ARHGEF3: variants seen among roughly 807,000 people sequenced by gnomAD.
ARHGEF3 encodes Rho guanine nucleotide exchange factor 3, also known as 59.8 kDA protein.
A neutral mutation model predicts 63.2 loss-of-function variants in ARHGEF3; 28 were observed. The observed-to-expected ratio is 0.44, with a 90% confidence interval of 0.33 to 0.61. ARHGEF3 has a LOEUF of 0.61. Among genes scored for constraint, ARHGEF3 ranks in the 20% least tolerant of loss-of-function variants. ARHGEF3 has a pLI of 0.03. For missense variants in ARHGEF3, 533 were observed against 659.3 expected (o/e 0.81, Z 2.10); for synonymous variants, 266 against 254.2 (o/e 1.05, Z -0.44).
chr3:56,763,320 G>GT (rs1241119793), intron 2 of ARHGEF3, among the ~76,000 whole-genome samples: 1 of 152,162 alleles, frequency 6.6e-6, no homozygotes, highest in East Asian at 1.9e-4. Context: ...GCCACTATTA[G>GT]TGCTTGTTTA....
intron 1 of ARHGEF3, among the ~76,000 whole-genome samples, chr3:57,063,653 G>A (rs888060299): frequency 2.6e-5 from 4 of 152,166 alleles, no homozygotes; most frequent in Non-Finnish European, 4.4e-5. Flanking sequence ...GGGCATCCTA[G>A]AAGCCAGGTG....
chr3:57,037,894 A>T (rs1007732030), intron 1 of ARHGEF3, among the ~76,000 whole-genome samples: 1 of 150,860 alleles, frequency 6.6e-6, no homozygotes, highest in African/African-American at 2.4e-5. Flanking sequence ...AACAAAACAA[A>T]ACAAAACAAA....
At chr3:56,776,124 G>A (rs577927195) in intron 1 of ARHGEF3, among the ~76,000 whole-genome samples, 51 of 152,294 alleles carry the variant, frequency 3.3e-4, no homozygotes, top group African/African-American at 1.2e-3. Flanking sequence ...TTGACAGGAC[G>A]GGGGATGATC....
At chr3:56,967,593 AT>A (rs1560092331) in intron 2 of ARHGEF3, among the ~76,000 whole-genome samples, 1 of 88,600 alleles carries the variant, frequency 1.1e-5, no homozygotes, top group Non-Finnish European at 1.9e-5. Flanking sequence ...AATATATTTA[AT>A]TATATATTAT....
intron 1 of ARHGEF3, among the ~76,000 whole-genome samples, chr3:57,053,418 T>C (rs1327457741): frequency 6.6e-6 from 1 of 152,140 alleles, no homozygotes; most frequent in Non-Finnish European, 1.5e-5. Flanking sequence ...CTGCCCTGCC[T>C]CTGGCTTTGT....
chr3:56,762,407 G>A lies in ARHGEF3; in HGVS notation c.205-7256C>T, dbSNP rs1234185233. The stretch of plus-strand genomic sequence containing the variant: ...ATAAAACAGAGATAATGCAGATTGA[G>A]GAAATGGTGCTCAAGTTTATGCCCA... On this transcript the variant is annotated intron_variant, in intron 2 of 9. Coordinates refer to ENST00000296315, the MANE Select transcript of ARHGEF3 (RefSeq NM_019555.3). Among the ~76,000 whole-genome samples the A allele has an allele frequency of 1.3e-5, 2 of 152,134 alleles. 1 individual carries two copies.
intron 4 of ARHGEF3, among the ~76,000 whole-genome samples, chr3:56,833,239 C>T (rs2038990217): frequency 6.6e-6 from 1 of 152,170 alleles, no homozygotes; most frequent in Non-Finnish European, 1.5e-5. Flanking sequence ...TTCTCCACAT[C>T]CTCACCAACA....
chr3:56,887,167 C>T (rs57608064), intron 3 of ARHGEF3, among the ~76,000 whole-genome samples: 3,508 of 152,264 alleles, frequency 0.023, 138 homozygotes, highest in African/African-American at 0.079. Context: ...TTACGTCTCA[C>T]TTGCCATCCA....
rs2108363880 is a variant in ARHGEF3, at chr3:56,920,888, T to G, written c.129+37935A>C. On this transcript the variant is annotated intron_variant, in intron 3 of 12. Coordinates refer to the ARHGEF3 transcript ENST00000338458. ...TAACGTGGTGAAACCCTGTCTCTAC[T>G]AAAAATACAAAAAAAAATTAGCCAG... Among the ~76,000 whole-genome samples the G allele has an allele frequency of 1.3e-5, 2 of 151,690 alleles. 1 individual carries two copies. Among genetic ancestry groups the G allele is most frequent in the South Asian group, 4.2e-4 (2 of 4,788 alleles).
chr3:57,011,362 G>A (rs1287664686), intron 2 of ARHGEF3, among the ~76,000 whole-genome samples: 5 of 152,158 alleles, frequency 3.3e-5, no homozygotes, highest in African/African-American at 1.2e-4. Flanking sequence ...AATCCAAGTT[G>A]GATAGAGTTG....
intron 7 of ARHGEF3, among the ~76,000 whole-genome samples, chr3:56,743,079 A>G (rs530364981): frequency 1.3e-5 from 2 of 152,324 alleles, no homozygotes; most frequent in South Asian, 2.1e-4. Flanking sequence ...CTGGGATGAA[A>G]TATGGAAAGG....
intron 3 of ARHGEF3, among the ~76,000 whole-genome samples, chr3:56,934,445 A>G (rs1380563863): frequency 6.6e-6 from 1 of 152,140 alleles, no homozygotes; most frequent in East Asian, 1.9e-4. Flanking sequence ...CCATTCCCTC[A>G]GCTTGCAGGG....
At chr3:56,993,557 T>G (rs1701846960) in intron 2 of ARHGEF3, among the ~76,000 whole-genome samples, 2 of 151,660 alleles carry the variant, frequency 1.3e-5, no homozygotes, top group African/African-American at 2.4e-5. Flanking sequence ...AAATTTTTTG[T>G]AGAGACGGTG....
intron 2 of ARHGEF3, among the ~76,000 whole-genome samples, chr3:56,992,813 T>C (rs1387764247): frequency 6.6e-6 from 1 of 152,300 alleles, no homozygotes; most frequent in East Asian, 1.9e-4. Flanking sequence ...AGTCAATACC[T>C]GCTCAAGGAA....
chr3:57,012,102 G>A (rs953485342), intron 2 of ARHGEF3, among the ~76,000 whole-genome samples: 1 of 152,100 alleles, frequency 6.6e-6, no homozygotes, highest in African/African-American at 2.4e-5. Flanking sequence ...TATGAAATGG[G>A]GTCTACAGGA....
At chr3:56,834,652 C>G (rs1009906274) in intron 4 of ARHGEF3, among the ~76,000 whole-genome samples, 6 of 151,310 alleles carry the variant, frequency 4.0e-5, no homozygotes, top group Non-Finnish European at 7.4e-5. Context: ...CCCAGCTTCT[C>G]CTGAGGCAGG....
intron 3 of ARHGEF3, among the ~76,000 whole-genome samples, chr3:56,909,214 T>C (rs1351521261): frequency 6.6e-6 from 1 of 152,218 alleles, no homozygotes; most frequent in African/African-American, 2.4e-5. Context: ...TGTGCAGTTT[T>C]CTAAAGAGAA....
intron 2 of ARHGEF3, among the ~76,000 whole-genome samples, chr3:56,972,718 G>T (rs1405716219): frequency 6.6e-6 from 1 of 152,048 alleles, no homozygotes; most frequent in Non-Finnish European, 1.5e-5. Context: ...CAAGAGCGGA[G>T]AGTCACAGAA....
intron 1 of ARHGEF3, among the ~76,000 whole-genome samples, chr3:56,800,505 A>G (rs2037586369): frequency 6.6e-6 from 1 of 152,204 alleles, no homozygotes; most frequent in East Asian, 1.9e-4. Flanking sequence ...GCGTATAGAA[A>G]GCTGAATACA....
Sources: gnomAD v4.1 joint callset for allele counts (sites outside exome capture counted in the v4.1 genomes callset) on GRCh38, gnomAD v4.1.1 for gene constraint, MANE v1.5 for transcripts, NCBI Gene and HGNC (gene_info 2026-07-23, HGNC 2026-07-21) for gene names.